RAB11FIP4: variants seen among roughly 807,000 people sequenced by gnomAD.
RAB11FIP4 encodes the protein rab11 family-interacting protein 4.
In RAB11FIP4, 23 loss-of-function variants were observed where a neutral mutation model predicts 74.3. The observed-to-expected ratio is 0.31, with a 90% CI of 0.22 to 0.44. The LOEUF (loss-of-function observed/expected upper bound fraction) is 0.44, where lower values mean the gene tolerates loss of function less well. Among genes scored for constraint, RAB11FIP4 ranks in the 20% least tolerant of loss-of-function variants. The pLI, the probability that RAB11FIP4 is intolerant of heterozygous loss-of-function variation, is 1.00. For synonymous variants in RAB11FIP4, 360 were observed against 359.9 expected, an observed-to-expected ratio of 1.00 and a Z score of 0.00; for missense variants, 630 against 863.9, an observed-to-expected ratio of 0.73 and a Z score of 3.39.
At chr17:31,473,383 A>C (rs1445057090) in intron 3 of RAB11FIP4, among the ~76,000 whole-genome samples, 1 of 152,012 alleles carries the variant, frequency 6.6e-6, no homozygotes, top group East Asian at 1.9e-4. Flanking sequence ...CTACCAAAAA[A>C]AAAAAAAAAA....
chr17:31,490,164 C>G lies in RAB11FIP4; in HGVS notation c.337-27487C>G, dbSNP rs183102140. On this transcript the variant is annotated intron_variant, in intron 3 of 14. Coordinates refer to ENST00000621161, the MANE Select transcript of RAB11FIP4 (RefSeq NM_032932.6). ...CTCCACCGGCCCTCACTCTCCCTCCCGACCATCTGTGCCACTTCTAAAGCA... is the reference window on the plus strand; with the variant it reads ...CTCCACCGGCCCTCACTCTCCCTCCGGACCATCTGTGCCACTTCTAAAGCA... Among the ~76,000 whole-genome samples, 663 of 152,222 alleles carry G rather than the reference C, an allele frequency of 4.4e-3. 4 individuals carry two copies. The highest frequency in any genetic ancestry group is 0.015 in the African/African-American group (616 of 41,520).
chr17:31,433,513 C>T (rs893784647), intron 2 of RAB11FIP4, among the ~76,000 whole-genome samples: 4 of 152,350 alleles, frequency 2.6e-5, no homozygotes, highest in African/African-American at 4.8e-5. Context: ...GTCCCCCTCC[C>T]AGTTCAGTAC....
chr17:31,451,825 C>T (rs1309302035), intron 3 of RAB11FIP4, among the ~76,000 whole-genome samples: 1 of 152,078 alleles, frequency 6.6e-6, no homozygotes, highest in Non-Finnish European at 1.5e-5. Flanking sequence ...AACTCCCTCC[C>T]CACCCTGCCC....
intron 3 of RAB11FIP4, among the ~76,000 whole-genome samples, chr17:31,482,185 G>C (rs2071856606): frequency 2.0e-5 from 3 of 152,196 alleles, no homozygotes; most frequent in African/African-American, 7.2e-5. Flanking sequence ...GGTGGGAAGA[G>C]GCAGAGGAAG....
chr17:31,483,192 C>CAA (rs56720417), intron 3 of RAB11FIP4, among the ~76,000 whole-genome samples: 4 of 58,552 alleles, frequency 6.8e-5, no homozygotes, highest in African/African-American at 7.1e-5. Flanking sequence ...GACTGCATCT[C>CAA]AAAAAAAAAA....
At position 31,483,204 on chromosome 17, in the gene RAB11FIP4, A is replaced by G. The variant is rs1435508624; in HGVS notation, c.337-34447A>G. ...TGAGACTGCATCTCAAAAAAAAAAA[A>G]AAAAAAAAAAAAAAAAGTAAAGAAA... is the stretch of plus-strand genomic sequence containing the variant. On this transcript the variant is annotated intron_variant, in intron 3 of 14. Transcript: ENST00000621161. 5.3e-5 allele frequency among the ~76,000 whole-genome samples: 8 copies of G among 151,106 alleles called. No homozygotes were observed. The East Asian group carries it at 1.5e-3, about 29-fold the overall frequency.
chr17:31,463,158 T>G (rs2071649301), intron 3 of RAB11FIP4, among the ~76,000 whole-genome samples: 1 of 152,196 alleles, frequency 6.6e-6, no homozygotes. Context: ...TCCCATTATG[T>G]AAGGAGTCCT....
At chr17:31,403,357 C>G (rs1356767016) in intron 1 of RAB11FIP4, among the ~76,000 whole-genome samples, 1 of 151,092 alleles carries the variant, frequency 6.6e-6, no homozygotes, top group Admixed American at 6.6e-5. Flanking sequence ...GAGTCTCGCT[C>G]TGTCACCCAG....
Position 31,426,158 on chromosome 17 carries a change from G to A in RAB11FIP4, c.160-5655G>A, listed in dbSNP as rs183217873. 9.8e-3 allele frequency among the ~76,000 whole-genome samples: 1,498 copies of A among 152,286 alleles called. 9 individuals carry two copies. The highest frequency in any genetic ancestry group is 0.015 in the Non-Finnish European group (1,002 of 68,016). ...CAGGGGATAGAAAGAACACTTTAGT[G>A]CAGACAGCCCCGTGAGAGTCTCTGG... On this transcript the variant is annotated intron_variant, in intron 1 of 14. Transcript: ENST00000621161.
chr17:31,430,355 T>C (rs1401443480), intron 1 of RAB11FIP4, among the ~76,000 whole-genome samples: 1 of 86,914 alleles, frequency 1.2e-5, no homozygotes, highest in Non-Finnish European at 2.6e-5. Flanking sequence ...AGTTTGGATT[T>C]TTTTTTTTTT....
chr17:31,436,605 G>A (rs749646404), intron 3 of RAB11FIP4, among the ~76,000 whole-genome samples: 2 of 152,106 alleles, frequency 1.3e-5, no homozygotes, highest in African/African-American at 4.8e-5. Flanking sequence ...TTTGTAAACC[G>A]ATATTGCTTT....
chr17:31,517,753 C>A lies in RAB11FIP4; in HGVS notation c.439C>A (p.Pro147Thr), dbSNP rs2072586176. The stretch of plus-strand genomic sequence containing the variant: ...GGAGGAGGCTATGACGCTGGCGCCA[C>A]CTGAGGGCCCCCAGGAGTTGTACAC... ...DEEEAMTLAP[P>T]EGPQELYTDS... The change falls in exon 4 of 15, where the codon CCT (proline) becomes ACT (threonine). Residue 147 changes from proline to threonine, a missense_variant. By Grantham distance (38) the Pro-to-Thr change is conservative. Coordinates refer to ENST00000621161, the MANE Select transcript of RAB11FIP4 (RefSeq NM_032932.6). The A allele has an allele frequency of 1.3e-6, 2 of 1,579,584 alleles. No individual in the cohort carries two copies. The highest frequency in any genetic ancestry group is 1.7e-6 in the Non-Finnish European group (2 of 1,162,680).
At chr17:31,442,234 C>T (rs573836366) in intron 3 of RAB11FIP4, among the ~76,000 whole-genome samples, 193 of 152,058 alleles carry the variant, frequency 1.3e-3, no homozygotes, top group African/African-American at 4.5e-3. Context: ...CTCCTGACCT[C>T]GTGATCCACC....
chr17:31,530,386 C>T lies in RAB11FIP4; in HGVS notation c.1714C>T (p.Leu572Phe). 1 of 1,614,180 alleles carries T rather than the reference C, an allele frequency of 6.2e-7. No individual in the cohort carries two copies. The highest frequency in any genetic ancestry group is 8.5e-7 in the Non-Finnish European group (1 of 1,180,022). ...GAATGGGCAGATTTTGAGCCTCAGC[C>T]TCTACGAAGCAAAAAACCTCTTTGC... ...DLNGQILSLSLYEAKNLFAAQ... is the reference protein window; with the variant it reads ...DLNGQILSLSFYEAKNLFAAQ... Residue 572 changes from leucine to phenylalanine, a missense_variant, in exon 14 of 15, where the codon CTC becomes TTC. Leu to Phe is a conservative substitution (Grantham distance 22). Coordinates refer to ENST00000621161, the MANE Select transcript of RAB11FIP4 (RefSeq NM_032932.6).
chr17:31,439,759 C>T (rs776256878), intron 3 of RAB11FIP4, among the ~76,000 whole-genome samples: 15 of 152,284 alleles, frequency 9.9e-5, no homozygotes, highest in East Asian at 1.9e-4. Flanking sequence ...CACAGGCACA[C>T]GCCACCACAT....
At chr17:31,443,307 GTTAT>G (rs1158779794) in intron 3 of RAB11FIP4, among the ~76,000 whole-genome samples, 14 of 152,032 alleles carry the variant, frequency 9.2e-5, no homozygotes, top group African/African-American at 3.1e-4. Flanking sequence ...TTTCCAGCTT[GTTAT>G]TTATTTTTAA....
At chr17:31,399,819 G>A (rs532148728) in intron 1 of RAB11FIP4, among the ~76,000 whole-genome samples, 7 of 150,608 alleles carry the variant, frequency 4.6e-5, no homozygotes, top group South Asian at 2.1e-4. Context: ...TGAGGCAGGC[G>A]GATCACCTGA....
intron 3 of RAB11FIP4, among the ~76,000 whole-genome samples, chr17:31,507,440 G>C (rs2072372361): frequency 6.6e-6 from 1 of 152,158 alleles, no homozygotes; most frequent in Non-Finnish European, 1.5e-5. Flanking sequence ...TTTCCCTGAT[G>C]ATTAGTGATG....
Position 31,537,320 on chromosome 17 carries a change from C to G in RAB11FIP4, c.*5588C>G. The G allele has an allele frequency of 5.0e-6, 2 of 398,258 alleles. No homozygotes were observed. The highest frequency in any genetic ancestry group is 7.1e-5 in the East Asian group (2 of 28,074). The allele number at this position is 398,258 out of a possible 1,614,324, so 24.7% of individuals were successfully genotyped here. On this transcript the variant is annotated 3_prime_UTR_variant, in exon 15 of 15. Transcript: ENST00000621161. Reference sequence around the variant, plus strand: ...CCACAAGGATCAGGCCCCACTTACCCTTGGCTCGCTCAGCCTGTAGACTTG... The same window carrying G: ...CCACAAGGATCAGGCCCCACTTACCGTTGGCTCGCTCAGCCTGTAGACTTG...
Sources: gnomAD v4.1 joint callset for allele counts (sites outside exome capture counted in the v4.1 genomes callset) on GRCh38, gnomAD v4.1.1 for gene constraint, MANE v1.5 for transcripts, NCBI Gene and HGNC (gene_info 2026-07-23, HGNC 2026-07-21) for gene names.